Variants in SLIT1 observed in about 807,000 individuals in gnomAD.
SLIT1 encodes the protein slit guidance ligand 1, also known as slit homolog 1 protein.
A neutral mutation model predicts 186.1 loss-of-function variants in SLIT1; 66 were observed. The observed-to-expected ratio is 0.35, with a 90% CI of 0.29 to 0.44. The LOEUF (loss-of-function observed/expected upper bound fraction) is 0.44, where lower values mean the gene tolerates loss of function less well. Ranked by LOEUF, SLIT1 falls within the 20% of genes least tolerant of loss-of-function variation. SLIT1 has a pLI of 1.00. For missense variants in SLIT1, 1,638 were observed against 2,037.4 expected, an observed-to-expected ratio of 0.80 and a Z score of 3.77; for synonymous variants, 761 against 833.8, an observed-to-expected ratio of 0.91 and a Z score of 1.50.
In SLIT1 at chr10:97,037,759, C is replaced by A; in HGVS notation, c.2305G>T (p.Asp769Tyr). The part of the protein sequence containing the change: ...IPKNVTELYL[D>Y]GNQFTLVPGQ... Reference sequence around the variant, plus strand: ...GGAACCAGCGTGAACTGGTTCCCGTCCAAATAGCTGCAGAGAGAACACAGC... The same window carrying A: ...GGAACCAGCGTGAACTGGTTCCCGTACAAATAGCTGCAGAGAGAACACAGC... The change falls in exon 22 of 37, where the codon GAC (aspartate) becomes TAC (tyrosine). Residue 769 changes from aspartate to tyrosine, a missense_variant. Transcript: ENST00000266058. The A allele has an allele frequency of 6.2e-7, 1 of 1,605,786 alleles. No individual in the cohort carries two copies. Among genetic ancestry groups the A allele is most frequent in the Non-Finnish European group, 8.5e-7 (1 of 1,173,264 alleles).
chr10:97,147,965 C>T (rs779307550), intron 4 of SLIT1, among the ~76,000 whole-genome samples: 4 of 152,188 alleles, frequency 2.6e-5, no homozygotes, highest in Admixed American at 6.6e-5. Flanking sequence ...CCAGAAGACT[C>T]GTGAGCAGTC....
intron 28 of SLIT1, among the ~76,000 whole-genome samples, chr10:97,014,385 G>A (rs187712115): frequency 3.9e-5 from 6 of 152,306 alleles, no homozygotes; most frequent in Non-Finnish European, 7.4e-5. Flanking sequence ...GAGGGGAGAG[G>A]TAGTGAGGAC....
At chr10:97,014,533 C>T (rs61644651) in intron 28 of SLIT1, among the ~76,000 whole-genome samples, 8,971 of 152,016 alleles carry the variant, frequency 0.059, 375 homozygotes, top group East Asian at 0.17. Flanking sequence ...CAAGGGAGAG[C>T]GGGAATGGGA....
intron 21 of SLIT1, among the ~76,000 whole-genome samples, chr10:97,039,771 G>A (rs1009724539): frequency 4.0e-5 from 6 of 151,734 alleles, no homozygotes; most frequent in South Asian, 2.1e-4. Context: ...GCTGCCATGC[G>A]GTCATCAGGT....
intron 35 of SLIT1, 61 bp from the exon 36 acceptor site, chr10:97,002,430 G>T: frequency 7.5e-7 from 1 of 1,338,138 alleles, no homozygotes; most frequent in Non-Finnish European, 1.0e-6. Context: ...ACCTGACACA[G>T]CCCGCCCCAC....
intron 14 of SLIT1, 91 bp downstream of exon 14, chr10:97,048,864 T>TGGGCAGGC (rs74993839): frequency 2.3e-6 from 3 of 1,330,382 alleles, no homozygotes; most frequent in African/African-American, 2.9e-5. Context: ...GGTGGGCAGG[T>TGGGCAGGC]GGGCAGGTAT....
At chr10:97,148,025 G>T (rs1345792025) in intron 4 of SLIT1, among the ~76,000 whole-genome samples, 2 of 152,146 alleles carry the variant, frequency 1.3e-5, no homozygotes. Flanking sequence ...ACAATGAAAA[G>T]GGTGTACAGC....
At position 97,010,971 on chromosome 10, in the gene SLIT1, AGT is replaced by A; in HGVS notation, c.3341+20_3341+21del. 6.2e-7 allele frequency: 1 copy of A among 1,610,660 alleles called. No homozygotes were observed. The highest frequency in any genetic ancestry group is 1.7e-4 in the Middle Eastern group (1 of 6,050). On this transcript the variant is annotated intron_variant, in intron 31 of 36. Transcript: ENST00000266058. The surrounding 1 kb of genome is among the most constrained non-coding windows in gnomAD (Gnocchi z 4.8). ...CTGACAGCCACAAGGAGTCACTCCT[AGT>A]GTGTCCAGGGGCTGCTCACCTGTAG...
chr10:97,073,107 T>C (rs1365748371), intron 4 of SLIT1, among the ~76,000 whole-genome samples: 1 of 152,064 alleles, frequency 6.6e-6, no homozygotes, highest in Non-Finnish European at 1.5e-5. Flanking sequence ...GCTATTCTCT[T>C]TTTTTTTCTT....
chr10:97,078,407 C>A (rs1018939638), intron 4 of SLIT1, among the ~76,000 whole-genome samples: 2 of 152,298 alleles, frequency 1.3e-5, no homozygotes, highest in African/African-American at 4.8e-5. Context: ...CCTCATCAGG[C>A]AGAGACATTA....
chr10:97,069,584 G>A (rs1360240329), intron 4 of SLIT1, among the ~76,000 whole-genome samples: 1 of 152,220 alleles, frequency 6.6e-6, no homozygotes, highest in Non-Finnish European at 1.5e-5. Context: ...CTGGAGGGAG[G>A]AGAGGTGATC....
intron 36 of SLIT1, among the ~76,000 whole-genome samples, chr10:97,001,618 G>A (rs567384719): frequency 6.6e-6 from 1 of 152,270 alleles, no homozygotes; most frequent in Non-Finnish European, 1.5e-5. Context: ...ATTGCTAGAG[G>A]CGTGCAAGAG....
At chr10:97,036,222 T>C (rs1276766529) in intron 22 of SLIT1, among the ~76,000 whole-genome samples, 2 of 152,226 alleles carry the variant, frequency 1.3e-5, no homozygotes, top group Admixed American at 6.5e-5. Flanking sequence ...GAGATACATT[T>C]AAGTGCTCTA....
chr10:97,143,888 A>G (rs1304313659), intron 4 of SLIT1, among the ~76,000 whole-genome samples: 1 of 152,178 alleles, frequency 6.6e-6, no homozygotes, highest in Non-Finnish European at 1.5e-5. Context: ...TCAGAGGTTC[A>G]ATGTTAAAGT....
intron 4 of SLIT1, among the ~76,000 whole-genome samples, chr10:97,127,225 G>T (rs1258686773): frequency 6.6e-6 from 1 of 151,850 alleles, no homozygotes; most frequent in African/African-American, 2.4e-5. Context: ...GGCAGAGTTT[G>T]CAGTGAGCCG....
At chr10:97,005,460 A>G (rs1371453924) in intron 32 of SLIT1, among the ~76,000 whole-genome samples, 1 of 152,216 alleles carries the variant, frequency 6.6e-6, no homozygotes, top group Admixed American at 6.5e-5. Flanking sequence ...GGAGCTGGGC[A>G]TATGACCCAA....
chr10:97,112,300 C>T (rs549422459), intron 4 of SLIT1, among the ~76,000 whole-genome samples: 40 of 152,256 alleles, frequency 2.6e-4, no homozygotes, highest in Non-Finnish European at 1.2e-4. Context: ...TGACAGAGCG[C>T]CCTGTGGTAC....
At chr10:97,108,356 C>T (rs1002996740) in intron 4 of SLIT1, among the ~76,000 whole-genome samples, 2 of 152,238 alleles carry the variant, frequency 1.3e-5, no homozygotes, top group East Asian at 1.9e-4. Flanking sequence ...AGGAGAGTAA[C>T]AGTGCTGAGG....
intron 12 of SLIT1, 46 bp from the exon 13 acceptor site, chr10:97,056,510 T>G: frequency 6.2e-7 from 1 of 1,603,366 alleles, no homozygotes; most frequent in Non-Finnish European, 8.5e-7. Context: ...AGGCTCGACC[T>G]GAGACCCATC....
Sources: allele counts gnomAD v4.1 joint callset (sites outside exome capture counted in the v4.1 genomes callset), GRCh38; gene constraint gnomAD v4.1.1; non-coding constraint Gnocchi (gnomAD v3.1); transcripts MANE v1.5; gene names NCBI Gene and HGNC (gene_info 2026-07-23, HGNC 2026-07-21).